The following VSIG4 variants were observed in gnomAD, a reference collection of about 807,000 sequenced individuals.
The protein encoded by VSIG4 is V-set and immunoglobulin domain-containing protein 4.
Under a neutral mutation model 23.4 loss-of-function variants are expected in VSIG4, and 34 were observed. The ratio of observed to expected loss-of-function variants is 1.45; its 90% CI spans 1.10 to 1.93. VSIG4 has a LOEUF of 1.93. VSIG4 is among the 30% of genes most tolerant of loss of function. VSIG4 has a pLI of 0.00. For missense variants in VSIG4, 433 were observed against 310.8 expected, an observed-to-expected ratio of 1.39 and a Z score of -2.96; for synonymous variants, 169 against 120.3, an observed-to-expected ratio of 1.41 and a Z score of -2.65.
rs920419411 is a variant in VSIG4 at position 66,033,628 on chromosome X, C to T, written c.258G>A (p.Leu86=). Residue 86 remains leucine (L), a synonymous_variant, in exon 2 of 8, where the codon CTG becomes CTA. Transcript: ENST00000374737. The part of the protein sequence containing the change: ...HIQQAKYQGR[L]HVSHKVPGDV... ...CTCCTGGAACCTTGTGGCTCACATG[C>T]AGGCGGCCCTGGTACTTTGCCTGCT... is the stretch of plus-strand genomic sequence containing the variant. 2 of 1,211,439 alleles carry T rather than the reference C, an allele frequency of 1.7e-6. No individual in the cohort carries two copies. Among genetic ancestry groups the T allele is most frequent in the African/African-American group, 1.7e-5 (1 of 57,711 alleles).
At position 66,033,468 on chromosome X, in the gene VSIG4, A is replaced by G; in HGVS notation, c.412+6T>C. On this transcript the variant is annotated splice_donor_region_variant and intron_variant, in intron 2 of 7. Coordinates refer to ENST00000374737, the MANE Select transcript of VSIG4 (RefSeq NM_007268.3). The stretch of plus-strand genomic sequence containing the variant: ...TCAGTGCTTTCCTACCCCCATAGTG[A>G]CTCACGTTTCTGGACACGGAGCTCA... 3 of 1,189,084 alleles carry G rather than the reference A, an allele frequency of 2.5e-6. No homozygotes were observed. The highest frequency in any genetic ancestry group is 3.7e-5 in the South Asian group (2 of 54,402).
intron 6 of VSIG4, among the ~76,000 whole-genome samples, chrX:66,023,771 G>A (rs367716233): frequency 9.8e-5 from 11 of 112,203 alleles, no homozygotes; most frequent in African/African-American, 3.6e-4. Flanking sequence ...GAGAAAATTG[G>A]CTAGACCCAC....
intron 6 of VSIG4, among the ~76,000 whole-genome samples, chrX:66,023,343 T>C (rs2085354430): frequency 8.9e-6 from 1 of 111,752 alleles, no homozygotes; most frequent in African/African-American, 3.3e-5. Flanking sequence ...TGGTATTGGT[T>C]ACCATTGCCC....
chrX:66,022,613 G>T, intron 7 of VSIG4, 113 bp from the exon 8 acceptor site: 1 of 1,140,483 alleles, frequency 8.8e-7, no homozygotes, highest in Non-Finnish European at 1.2e-6. Flanking sequence ...ACCACCCAGG[G>T]ATTCTGGAAG....
rs1453608443 is a variant in VSIG4, at chrX:66,022,730, C to T, written c.962+111G>A. On this transcript the variant is annotated intron_variant, in intron 7 of 7. Transcript: ENST00000374737. ...GCTATGTCCTGACCCTGAAGGCCTC[C>T]GGCCTTAGGATTGGGTCTGTGCCAC... The T allele has an allele frequency of 1.4e-5, 16 of 1,183,714 alleles. No homozygotes were observed. The South Asian group carries it at 1.7e-4, about 13-fold the overall frequency.
intron 6 of VSIG4, 123 bp from the exon 7 acceptor site, chrX:66,022,985 T>G (rs2085350685): frequency 1.3e-6 from 1 of 755,176 alleles, no homozygotes; most frequent in African/African-American, 2.1e-5. Context: ...TTAATATGTC[T>G]TAGCTTTCCA....
chrX:66,028,183 T>G (rs972252033), intron 3 of VSIG4, 71 bp from the exon 4 acceptor site: 1 of 986,234 alleles, frequency 1.0e-6, no homozygotes, highest in Non-Finnish European at 1.4e-6. Flanking sequence ...CCTAGGGAAA[T>G]AGGAAGTAAG....
rs550117323 is a variant in VSIG4 at position 66,022,023 on chromosome X, G to T, written c.*240C>A. The stretch of plus-strand genomic sequence containing the variant: ...GCATCTTCCCTCTGGTATTTAGAGA[G>T]GAGTACCAGAAGCCCCCGGCAGAGA... On this transcript the variant is annotated 3_prime_UTR_variant, in exon 8 of 8. Transcript: ENST00000374737. The T allele has an allele frequency of 8.9e-7, 1 of 1,127,670 alleles. No individual in the cohort carries two copies. Among genetic ancestry groups the T allele is most frequent in the Admixed American group, 2.6e-5 (1 of 38,386 alleles). 92.9% of individuals were successfully genotyped at this position (1,127,670 alleles called of 1,213,427 possible).
In VSIG4 at chrX:66,033,587, A is replaced by T; in HGVS notation, c.299T>A (p.Leu100Ter). The T allele has an allele frequency of 1.7e-6, 2 of 1,211,185 alleles. No individual in the cohort carries two copies. The highest frequency in any genetic ancestry group is 2.2e-6 in the Non-Finnish European group (2 of 895,331). The stretch of plus-strand genomic sequence containing the variant: ...CCGGTCATCCATCTCCAGGGTGCTC[A>T]ATTGGAGGGATACATCTCCTGGAAC... ...HKVPGDVSLQ[L>*]STLEMDDRSH... is the part of the protein sequence containing the mutation. The change falls in exon 2 of 8, where the codon TTG becomes TAG. Residue 100 changes from leucine to a stop codon, truncating the protein, a stop_gained. Transcript: ENST00000374737. LOFTEE classifies it high-confidence loss of function.
chrX:66,030,311 C>T (rs2085449883), intron 3 of VSIG4, among the ~76,000 whole-genome samples: 1 of 111,415 alleles, frequency 9.0e-6, no homozygotes, highest in African/African-American at 3.3e-5. Flanking sequence ...TGGAAGCTAC[C>T]TTCGTGAGAA....
rs2085477511 is a variant in VSIG4, at chrX:66,032,646, G to A, written c.516C>T (p.Pro172=). ...GTTGCTTATACCAAATATAACTGAT[G>A]GGAGGAGAACCCCGAGCCTGGCATT... The part of the protein sequence containing the change: ...SLQCQARGSP[P]ISYIWYKQQT... Residue 172 remains proline, a synonymous_variant, in exon 3 of 8, where the codon CCC becomes CCT. Transcript: ENST00000374737. 1 of 1,209,576 alleles carries A rather than the reference G, an allele frequency of 8.3e-7. No homozygotes were observed.
intron 3 of VSIG4, among the ~76,000 whole-genome samples, chrX:66,028,707 C>G (rs898100714): frequency 5.5e-5 from 6 of 109,211 alleles, no homozygotes; most frequent in Admixed American, 9.8e-5. Context: ...GTCCCCTTAC[C>G]CCTTCTACCT....
Position 66,022,342 on chromosome X carries a change from T to A in VSIG4, c.1121A>T (p.Asn374Ile), listed in dbSNP as rs749313864. 2 of 1,212,197 alleles carry A rather than the reference T, an allele frequency of 1.6e-6. No homozygotes were observed. Among genetic ancestry groups the A allele is most frequent in the Non-Finnish European group, 2.2e-6 (2 of 895,574 alleles). The change falls in exon 8 of 8, where the codon AAT becomes ATT. Residue 374 changes from asparagine (N) to isoleucine (I), a missense_variant. Asn to Ile is a moderately radical substitution (Grantham distance 149). Coordinates refer to ENST00000374737, the MANE Select transcript of VSIG4 (RefSeq NM_007268.3). ...GQEYQIIAQI[N>I]GNYARLLDTV... ...GTCCAGCAGGCGGGCGTAGTTGCCA[T>A]TGATCTGGGCGATGATCTGGTACTC...
intron 1 of VSIG4, among the ~76,000 whole-genome samples, chrX:66,037,563 A>G (rs1202647092): frequency 1.4e-5 from 1 of 71,007 alleles, no homozygotes; most frequent in Non-Finnish European, 2.4e-5. Context: ...TTATATATTT[A>G]TATACTTATT....
At chrX:66,028,474 T>A (rs1185463142) in intron 3 of VSIG4, among the ~76,000 whole-genome samples, 1 of 108,658 alleles carries the variant, frequency 9.2e-6, no homozygotes, top group Non-Finnish European at 1.9e-5. Flanking sequence ...ATGGGTGACA[T>A]CAGTGAAAAT....
At chrX:66,038,489 A>T (rs998778638) in intron 1 of VSIG4, among the ~76,000 whole-genome samples, 11 of 110,308 alleles carry the variant, frequency 1.0e-4, no homozygotes, top group African/African-American at 3.6e-4. Flanking sequence ...TCTCACACAC[A>T]CACACACACA....
At chrX:66,024,870 G>A (rs770352712) in intron 6 of VSIG4, among the ~76,000 whole-genome samples, 155 bp downstream of exon 6, 14 of 111,747 alleles carry the variant, frequency 1.3e-4, no homozygotes, top group South Asian at 7.4e-4. Context: ...TTGTTTGCTC[G>A]AACATCTGCC....
rs2085529719 is a variant in VSIG4 at position 66,035,693 on chromosome X, A to G, written c.56-1863T>C. ...CCCATACATATTTTTGGCCACATGC[A>G]AGCACAAACATACCATGCTTAAACC... On this transcript the variant is annotated intron_variant, in intron 1 of 7. Coordinates refer to ENST00000374737, the MANE Select transcript of VSIG4 (RefSeq NM_007268.3). Among the ~76,000 whole-genome samples the G allele has an allele frequency of 2.7e-5, 3 of 111,869 alleles. No individual in the cohort carries two copies. The Admixed American group carries it at 2.9e-4, about 11-fold the overall frequency.
At position 66,022,882 on chromosome X, in the gene VSIG4, C is replaced by G. The variant is rs769212450; in HGVS notation, c.941-20G>C. 15 of 1,208,556 alleles carry G rather than the reference C, an allele frequency of 1.2e-5. No individual in the cohort carries two copies. The highest frequency in any genetic ancestry group is 2.3e-4 in the Middle Eastern group (1 of 4,366). The stretch of plus-strand genomic sequence containing the variant: ...CATGCTCTAGAAAAAAAGGAGGAAT[C>G]ATGTCAGAAGTTTTCATGGCAAGTG... On this transcript the variant is annotated intron_variant, in intron 6 of 7. Transcript: ENST00000374737.
Sources: allele counts gnomAD v4.1 joint callset (sites outside exome capture counted in the v4.1 genomes callset), GRCh38; gene constraint gnomAD v4.1.1; transcripts MANE v1.5; gene names NCBI Gene and HGNC (gene_info 2026-07-23, HGNC 2026-07-21).